Variants in DNAJC5B observed in about 807,000 individuals in gnomAD.
DNAJC5B encodes the protein DnaJ heat shock protein family (Hsp40) member C5 beta.
Under a neutral mutation model 24.7 loss-of-function variants are expected in DNAJC5B, and 23 were observed. The observed-to-expected ratio is 0.93, with a 90% CI of 0.67 to 1.32. The LOEUF (loss-of-function observed/expected upper bound fraction) is 1.32, where lower values mean the gene tolerates loss of function less well. DNAJC5B is among the 40% of genes most tolerant of loss of function. The pLI is 0.00. For missense variants in DNAJC5B, 238 were observed against 240.8 expected, an observed-to-expected ratio of 0.99 and a Z score of 0.08; for synonymous variants, 101 against 90.1, an observed-to-expected ratio of 1.12 and a Z score of -0.68.
intron 1 of DNAJC5B, among the ~76,000 whole-genome samples, chr8:66,036,657 GTTTC>G (rs903434630): frequency 3.3e-5 from 5 of 152,190 alleles, no homozygotes; most frequent in African/African-American, 9.7e-5. Flanking sequence ...CCTGTTTACA[GTTTC>G]TTTCTTTATG....
chr8:66,080,190 A>G (rs952087150), intron 4 of DNAJC5B, among the ~76,000 whole-genome samples, 187 bp from the exon 5 acceptor site: 8 of 152,118 alleles, frequency 5.3e-5, no homozygotes, highest in African/African-American at 1.9e-4. Context: ...CTTTACCAGG[A>G]AATTGGTTTC....
At chr8:66,075,921 G>A (rs941342606) in intron 3 of DNAJC5B, among the ~76,000 whole-genome samples, 6 of 152,190 alleles carry the variant, frequency 3.9e-5, no homozygotes, top group African/African-American at 1.4e-4. Context: ...GTAAACAAAA[G>A]CTTAAGGTGT....
At chr8:66,075,426 A>G (rs7016922) in intron 3 of DNAJC5B, among the ~76,000 whole-genome samples, 18,809 of 152,182 alleles carry the variant, frequency 0.12, 1,708 homozygotes, top group East Asian at 0.31. Flanking sequence ...TGAGAATTCC[A>G]GGAATATTAA....
chr8:66,095,160 T>C (rs1332125656), intron 5 of DNAJC5B, among the ~76,000 whole-genome samples: 1 of 152,094 alleles, frequency 6.6e-6, no homozygotes, highest in African/African-American at 2.4e-5. Context: ...CTTGGAGAGT[T>C]TGTGTAATAC....
At chr8:66,047,841 C>T (rs1342612176) in intron 2 of DNAJC5B, among the ~76,000 whole-genome samples, 2 of 152,116 alleles carry the variant, frequency 1.3e-5, no homozygotes, top group East Asian at 3.8e-4. Context: ...CTGTTGTTGC[C>T]AGGCCCACTG....
intron 1 of DNAJC5B, among the ~76,000 whole-genome samples, chr8:66,039,340 T>C (rs1677547081): frequency 6.7e-6 from 1 of 148,690 alleles, no homozygotes; most frequent in South Asian, 2.1e-4. Flanking sequence ...AAACACCCAC[T>C]TCATACTTTT....
At chr8:66,018,474 G>A (rs942952061), upstream of DNAJC5B, among the ~76,000 whole-genome samples, 5 of 152,222 alleles carry the variant, frequency 3.3e-5, no homozygotes, top group East Asian at 1.9e-4. Context: ...AGCTGAGATC[G>A]TGCCACTGCA....
chr8:66,087,624 G>A (rs1039805400), intron 5 of DNAJC5B, among the ~76,000 whole-genome samples: 20 of 152,178 alleles, frequency 1.3e-4, no homozygotes, highest in South Asian at 2.1e-4. Context: ...AGGTACAGGC[G>A]TTGGGTAAAT....
intron 3 of DNAJC5B, chr8:66,056,595 T>C (rs1198024224): frequency 6.6e-6 from 1 of 152,132 alleles, no homozygotes; most frequent in African/African-American, 2.4e-5. Context: ...GAAAAGTAGA[T>C]TGTTATTGGA....
At chr8:66,064,061 G>T (rs1002165944) in intron 3 of DNAJC5B, among the ~76,000 whole-genome samples, 2 of 152,168 alleles carry the variant, frequency 1.3e-5, no homozygotes, top group Non-Finnish European at 2.9e-5. Context: ...AATTGAGTAA[G>T]ATGGTTTGAG....
chr8:66,017,481 C>A (rs115482352), upstream of DNAJC5B, among the ~76,000 whole-genome samples: 1 of 152,180 alleles, frequency 6.6e-6, no homozygotes, highest in Non-Finnish European at 1.5e-5. Flanking sequence ...TCTACAGGCA[C>A]GCTTCCATTT....
chr8:66,034,789 G>A (rs1364085350), intron 1 of DNAJC5B, among the ~76,000 whole-genome samples: 2 of 152,146 alleles, frequency 1.3e-5, no homozygotes, highest in African/African-American at 4.8e-5. Context: ...GACATCAGAG[G>A]TGGGGGCAGG....
chr8:66,095,573 C>T (rs906602732), intron 5 of DNAJC5B, among the ~76,000 whole-genome samples: 7 of 151,018 alleles, frequency 4.6e-5, no homozygotes, highest in African/African-American at 1.7e-4. Flanking sequence ...TTTTGTACTT[C>T]TTAATTTTCA....
intron 5 of DNAJC5B, among the ~76,000 whole-genome samples, chr8:66,094,058 T>TA (rs1293593466): frequency 9.9e-5 from 15 of 152,164 alleles, no homozygotes; most frequent in Non-Finnish European, 1.9e-4. Flanking sequence ...TCTTTTTTTT[T>TA]ATGCAATACC....
chr8:66,051,543 A>C lies in DNAJC5B; in HGVS notation c.-5A>C, dbSNP rs754305114. ...TTCTCCCCTTTAGTTTTGCAGCCTT[A>C]GAAAATGGCATGTAACATACCTAAC... On this transcript the variant is annotated 5_prime_UTR_variant, in exon 3 of 6. Transcript: ENST00000276570. 6.2e-7 allele frequency: 1 copy of C among 1,608,334 alleles called. No homozygotes were observed. The highest frequency in any genetic ancestry group is 8.5e-7 in the Non-Finnish European group (1 of 1,176,538).
At chr8:66,070,245 A>G (rs188314210) in intron 3 of DNAJC5B, among the ~76,000 whole-genome samples, 3 of 152,320 alleles carry the variant, frequency 2.0e-5, no homozygotes, top group Admixed American at 6.5e-5. Context: ...AAGGTATTCA[A>G]ATAGGAAGAG....
rs535278323 is a variant in DNAJC5B, at chr8:66,082,317, T to C, written c.505+1769T>C. Among the ~76,000 whole-genome samples, 3 of 152,052 alleles carry C rather than the reference T, an allele frequency of 2.0e-5. No individual in the cohort carries two copies. The East Asian group carries it at 5.8e-4, about 29-fold the overall frequency. ...TAGGTATCCCCTAGGATACCTAGGT[T>C]CAATCTAGGATTGAACCTAGATATC... is the stretch of plus-strand genomic sequence containing the variant. On this transcript the variant is annotated intron_variant, in intron 5 of 5. Transcript: ENST00000276570.
At chr8:66,024,247 A>G (rs1806204162) in intron 1 of DNAJC5B, among the ~76,000 whole-genome samples, 1 of 152,196 alleles carries the variant, frequency 6.6e-6, no homozygotes, top group Admixed American at 6.5e-5. Context: ...ATCATGGCAT[A>G]GGCTTTACAC....
chr8:66,089,523 T>A (rs1294033856), intron 5 of DNAJC5B, among the ~76,000 whole-genome samples: 1 of 152,258 alleles, frequency 6.6e-6, no homozygotes, highest in East Asian at 1.9e-4. Flanking sequence ...TGCCTTAAGA[T>A]ACTTTTAACA....
Sources: allele counts gnomAD v4.1 joint callset (sites outside exome capture counted in the v4.1 genomes callset), GRCh38; gene constraint gnomAD v4.1.1; transcripts MANE v1.5; gene names NCBI Gene and HGNC (gene_info 2026-07-23, HGNC 2026-07-21).